Variants in RARB observed in about 807,000 individuals in gnomAD.
RARB encodes the protein HBV-activated protein.
RARB carries 17 observed loss-of-function variants against 51.9 expected under a neutral mutation model. The observed-to-expected ratio is 0.33, with a 90% CI of 0.22 to 0.49. The LOEUF is 0.49. Ranked by LOEUF, RARB falls within the 20% of genes least tolerant of loss-of-function variation. The probability of loss-of-function intolerance (pLI) is 0.99; values close to 1 mark genes in which losing one functional copy is unlikely to be tolerated. For synonymous variants in RARB, 215 were observed against 195.4 expected, an observed-to-expected ratio of 1.10 and a Z score of -0.84; for missense variants, 369 against 550.8, an observed-to-expected ratio of 0.67 and a Z score of 3.30.
chr3:25,428,210 G>C, upstream of RARB: 1 of 1,225,190 alleles, frequency 8.2e-7, no homozygotes. Context: ...GCCCGGGTAG[G>C]GTTCACCGAA....
At chr3:24,833,879 C>T (rs754927457) in intron 1 of RARB, among the ~76,000 whole-genome samples, 6 of 152,210 alleles carry the variant, frequency 3.9e-5, no homozygotes, top group Admixed American at 1.3e-4. Context: ...TGGACTAATA[C>T]CCCTGCTCAT....
At chr3:25,202,887 G>C (rs931558876) in intron 5 of RARB, among the ~76,000 whole-genome samples, 1 of 152,172 alleles carries the variant, frequency 6.6e-6, no homozygotes, top group Non-Finnish European at 1.5e-5. Context: ...ACTGCAATGT[G>C]GTGCTGAGAA....
chr3:25,504,407 C>T (rs1697467319), intron 3 of RARB, among the ~76,000 whole-genome samples: 1 of 152,232 alleles, frequency 6.6e-6, no homozygotes, highest in Non-Finnish European at 1.5e-5. Flanking sequence ...GGGTCATGTG[C>T]CCTTCTGTGA....
At chr3:25,040,850 T>G (rs1369080903) in intron 2 of RARB, among the ~76,000 whole-genome samples, 1 of 152,138 alleles carries the variant, frequency 6.6e-6, no homozygotes, top group African/African-American at 2.4e-5. Context: ...AAAATAGTCC[T>G]AGGAGGTGGA....
intron 3 of RARB, among the ~76,000 whole-genome samples, chr3:25,513,242 G>A (rs10446417): frequency 0.058 from 8,803 of 151,842 alleles, 261 homozygotes; most frequent in Non-Finnish European, 0.071. Flanking sequence ...AGCTGAGATC[G>A]CGCCACCGCA....
At chr3:25,311,553 A>T (rs1383241345) in intron 5 of RARB, among the ~76,000 whole-genome samples, 1 of 152,238 alleles carries the variant, frequency 6.6e-6, no homozygotes, top group African/African-American at 2.4e-5. Flanking sequence ...TAGATGTTCC[A>T]CCCAAACATT....
intron 3 of RARB, among the ~76,000 whole-genome samples, chr3:25,512,916 A>G (rs879047425): frequency 6.6e-6 from 1 of 152,112 alleles, no homozygotes; most frequent in Admixed American, 6.5e-5. Context: ...AAGAACAAGT[A>G]TGGAGTTTGG....
intron 2 of RARB, among the ~76,000 whole-genome samples, chr3:24,862,133 A>T (rs1464411910): frequency 6.6e-6 from 1 of 152,184 alleles, no homozygotes; most frequent in Non-Finnish European, 1.5e-5. Flanking sequence ...TTTACACGGT[A>T]TGGCTGGAAA....
chr3:25,221,260 C>G (rs1701942339), intron 5 of RARB, among the ~76,000 whole-genome samples: 1 of 149,358 alleles, frequency 6.7e-6, no homozygotes, highest in Non-Finnish European at 1.5e-5. Flanking sequence ...AAGGAAAAAA[C>G]ATTTTTGCAA....
intron 2 of RARB, among the ~76,000 whole-genome samples, chr3:24,895,599 C>A (rs1257745471): frequency 7.4e-6 from 1 of 135,832 alleles, no homozygotes; most frequent in East Asian, 2.2e-4. Context: ...TTCTCACTTG[C>A]TCCTTACAAT....
intron 2 of RARB, among the ~76,000 whole-genome samples, chr3:25,001,298 A>G (rs181209054): frequency 4.6e-5 from 7 of 152,332 alleles, no homozygotes; most frequent in African/African-American, 1.7e-4. Context: ...GTTGCCAAGC[A>G]TGAGAACATT....
At chr3:25,539,470 T>G (rs536061120) in intron 3 of RARB, among the ~76,000 whole-genome samples, 1 of 151,366 alleles carries the variant, frequency 6.6e-6, no homozygotes, top group African/African-American at 2.4e-5. Context: ...GTCGCTTTTG[T>G]GGTATGCTTC....
At chr3:25,077,612 G>A (rs1044124100) in intron 3 of RARB, among the ~76,000 whole-genome samples, 9 of 152,066 alleles carry the variant, frequency 5.9e-5, no homozygotes, top group African/African-American at 2.2e-4. Context: ...TATTTCCAGA[G>A]TGGGGTTTTA....
At chr3:25,535,628 TC>T (rs1235139950) in intron 3 of RARB, among the ~76,000 whole-genome samples, 3 of 152,112 alleles carry the variant, frequency 2.0e-5, no homozygotes, top group Non-Finnish European at 4.4e-5. Context: ...TTCTCATTGT[TC>T]AACTCCCACT....
chr3:25,344,527 A>G (rs11709169), intron 5 of RARB, among the ~76,000 whole-genome samples: 25,054 of 152,168 alleles, frequency 0.16, 2,149 homozygotes, highest in South Asian at 0.21. Flanking sequence ...TTCATGTTTC[A>G]GAAGTGCTCA....
intron 2 of RARB, among the ~76,000 whole-genome samples, chr3:25,058,498 T>A (rs965468295): frequency 2.0e-5 from 3 of 151,788 alleles, no homozygotes; most frequent in African/African-American, 7.2e-5. Context: ...CAGTAAGATA[T>A]AATCCATGCC....
intron 5 of RARB, among the ~76,000 whole-genome samples, chr3:25,203,022 G>C (rs1453072637): frequency 6.6e-6 from 1 of 152,152 alleles, no homozygotes; most frequent in Non-Finnish European, 1.5e-5. Flanking sequence ...TCTGTCTAAT[G>C]CTGACAGTGG....
intron 5 of RARB, among the ~76,000 whole-genome samples, chr3:25,335,068 C>T (rs1705024635): frequency 1.3e-5 from 2 of 152,126 alleles, no homozygotes; most frequent in African/African-American, 2.4e-5. Flanking sequence ...TTCCAGCCCC[C>T]ACCCATGCTG....
At chr3:25,300,252 T>C (rs1704008798) in intron 5 of RARB, among the ~76,000 whole-genome samples, 1 of 152,220 alleles carries the variant, frequency 6.6e-6, no homozygotes, top group Non-Finnish European at 1.5e-5. Context: ...TCAGCACTGA[T>C]GCATAACTCC....
Sources: allele counts gnomAD v4.1 joint callset (sites outside exome capture counted in the v4.1 genomes callset), GRCh38; gene constraint gnomAD v4.1.1; transcripts MANE v1.5; gene names NCBI Gene and HGNC (gene_info 2026-07-23, HGNC 2026-07-21).